Variants in UNC13B observed in about 807,000 individuals in gnomAD.
UNC13B encodes the protein protein unc-13 homolog B.
A neutral mutation model predicts 211.0 loss-of-function variants in UNC13B; 144 were observed. That is an observed-to-expected ratio of 0.68 (90% CI 0.60 to 0.78). The LOEUF (loss-of-function observed/expected upper bound fraction) is 0.78, where lower values mean the gene tolerates loss of function less well. UNC13B is among the 30% of genes least tolerant of loss of function. UNC13B has a pLI of 0.00. For missense variants in UNC13B, 1,777 were observed against 2,002.0 expected (o/e 0.89, Z 2.14); for synonymous variants, 709 against 725.8 (o/e 0.98, Z 0.37).
chr9:35,382,273 A>G (rs984041172), intron 20 of UNC13B, 84 bp from the exon 21 acceptor site: 10 of 1,526,408 alleles, frequency 6.6e-6, no homozygotes, highest in Non-Finnish European at 7.9e-6. Context: ...TGCTTCATTT[A>G]TCCCATAAAC....
chr9:35,402,064 A>AGCT (rs1836339156), intron 37 of UNC13B: 3 of 1,493,312 alleles, frequency 2.0e-6, no homozygotes, highest in Non-Finnish European at 2.7e-6. Flanking sequence ...GACCCCTGGG[A>AGCT]GCTAGAATGA....
intron 6 of UNC13B, among the ~76,000 whole-genome samples, chr9:35,246,366 T>A (rs1826103602): frequency 6.6e-6 from 1 of 152,216 alleles, no homozygotes; most frequent in East Asian, 1.9e-4. Flanking sequence ...TAGATCCCAT[T>A]TGTCAATTTT....
chr9:35,400,471 A>C, intron 37 of UNC13B, 28 bp downstream of exon 37: 1 of 1,602,470 alleles, frequency 6.2e-7, no homozygotes, highest in Admixed American at 1.7e-5. Context: ...TTGGGTATCC[A>C]CCTCTCCTCT....
At chr9:35,246,783 A>C (rs980268773) in intron 6 of UNC13B, among the ~76,000 whole-genome samples, 1 of 152,140 alleles carries the variant, frequency 6.6e-6, no homozygotes, top group Non-Finnish European at 1.5e-5. Context: ...GTCAGGTAGC[A>C]TGATGCCTCC....
intron 1 of UNC13B, among the ~76,000 whole-genome samples, chr9:35,171,581 T>A (rs1472340199): frequency 1.3e-5 from 2 of 152,132 alleles, no homozygotes; most frequent in Non-Finnish European, 2.9e-5. Context: ...TTTGAAAATT[T>A]TTTTGTAGAG....
At chr9:35,309,162 A>C (rs982623116) in intron 9 of UNC13B, among the ~76,000 whole-genome samples, 1 of 152,076 alleles carries the variant, frequency 6.6e-6, no homozygotes, top group African/African-American at 2.4e-5. Flanking sequence ...CATACAGTAC[A>C]GATTAAGAAT....
intron 11 of UNC13B, among the ~76,000 whole-genome samples, chr9:35,330,002 G>A (rs773241781): frequency 6.6e-6 from 1 of 152,086 alleles, no homozygotes; most frequent in Admixed American, 6.5e-5. Flanking sequence ...TGTGTCTTTT[G>A]TATCCGTTTA....
intron 37 of UNC13B, among the ~76,000 whole-genome samples, chr9:35,401,201 C>A (rs1044940791): frequency 2.6e-5 from 4 of 152,096 alleles, no homozygotes; most frequent in African/African-American, 9.7e-5. Flanking sequence ...GGGGAGTGAA[C>A]CTGGTGGGGG....
chr9:35,228,510 C>T (rs1278697033), intron 2 of UNC13B, among the ~76,000 whole-genome samples: 1 of 151,910 alleles, frequency 6.6e-6, no homozygotes, highest in Non-Finnish European at 1.5e-5. Context: ...CGACAGGCCC[C>T]AGTGTGTAGT....
Position 35,396,490 on chromosome 9 carries a change from C to G in UNC13B, c.11323C>G (p.His3775Asp). 6.2e-7 allele frequency: 1 copy of G among 1,614,116 alleles called. No individual in the cohort carries two copies. Among genetic ancestry groups the G allele is most frequent in the Non-Finnish European group, 8.5e-7 (1 of 1,180,030 alleles). ...CCTACCACTAGAGCATGAGAAAGAC[C>G]ACCTGTGTAAAAGTGCTGACTACAT... Reference protein sequence around the residue: ...KYALEEHEKDHLCKSADYMNL... With the variant: ...KYALEEHEKDDLCKSADYMNL... Residue 3775 changes from histidine (H) to aspartate (D), a missense_variant, in exon 27 of 40, where the codon CAC becomes GAC. Coordinates refer to ENST00000635942, the MANE Select transcript of UNC13B (RefSeq NM_001371189.2).
At chr9:35,351,273 A>C in intron 11 of UNC13B, 1 of 1,165,972 alleles carries the variant, frequency 8.6e-7, no homozygotes, top group South Asian at 4.4e-5. Flanking sequence ...ACCTGAGTGC[A>C]CTATTTTCCT....
At chr9:35,203,652 T>A (rs774929475) in intron 1 of UNC13B, among the ~76,000 whole-genome samples, 2 of 152,208 alleles carry the variant, frequency 1.3e-5, no homozygotes, top group Non-Finnish European at 2.9e-5. Context: ...ATTTAGGGTA[T>A]GTGGTGGAAG....
intron 7 of UNC13B, chr9:35,291,124 C>T: frequency 6.5e-7 from 1 of 1,549,806 alleles, no homozygotes; most frequent in South Asian, 1.2e-5. Flanking sequence ...AATTGAAATT[C>T]CTTATCATTT....
At chr9:35,198,740 G>A (rs1823088405) in intron 1 of UNC13B, among the ~76,000 whole-genome samples, 1 of 152,140 alleles carries the variant, frequency 6.6e-6, no homozygotes, top group Admixed American at 6.5e-5. Context: ...TGAAGGCCAG[G>A]CTGAGGAGTT....
chr9:35,272,475 C>G (rs1827948894), intron 7 of UNC13B, among the ~76,000 whole-genome samples: 1 of 151,926 alleles, frequency 6.6e-6, no homozygotes, highest in Admixed American at 6.6e-5. Flanking sequence ...CCAGGCTGGC[C>G]TCGAACTCCT....
chr9:35,203,517 C>T (rs1029373221), intron 1 of UNC13B, among the ~76,000 whole-genome samples: 6 of 152,172 alleles, frequency 3.9e-5, no homozygotes, highest in Non-Finnish European at 7.4e-5. Context: ...GAGTTTCTGC[C>T]AAGAGATCTG....
At position 35,396,596 on chromosome 9, in the gene UNC13B, A is replaced by C. The variant is rs1835893191; in HGVS notation, c.11429A>C (p.Tyr3810Ser). ...LPVLQGQVPE[Y>S]PAWFEQFVLQ... ...GTCCTCCAGGGGCAGGTGCCTGAGT[A>C]CCCAGCGTGAGTCATCATGTGGGCA... Residue 3810 changes from tyrosine to serine, a missense_variant, in exon 27 of 40, where the codon TAC becomes TCC. Tyr to Ser is a moderately radical substitution (Grantham distance 144). Coordinates refer to ENST00000635942, the MANE Select transcript of UNC13B (RefSeq NM_001371189.2). 6.2e-7 allele frequency: 1 copy of C among 1,613,670 alleles called. No homozygotes were observed. Among genetic ancestry groups the C allele is most frequent in the Non-Finnish European group, 8.5e-7 (1 of 1,179,956 alleles).
chr9:35,307,310 C>A lies in UNC13B; in HGVS notation c.7906C>A (p.Gln2636Lys). Residue 2636 changes from glutamine to lysine, a missense_variant, in exon 9 of 40, where the codon CAA becomes AAA. Physicochemically the swap from Gln to Lys is moderately conservative, Grantham distance 53. Transcript: ENST00000635942. ...LSDEGDMGIL[Q>K]ATDTEASLEA... The stretch of plus-strand genomic sequence containing the variant: ...TGATGAAGGAGACATGGGGATATTG[C>A]AAGCTACAGACACGGAGGCATCGTT... The A allele has an allele frequency of 2.5e-6, 1 of 398,956 alleles. No homozygotes were observed. Among genetic ancestry groups the A allele is most frequent in the Non-Finnish European group, 4.4e-6 (1 of 226,062 alleles). The allele number at this position is 398,956 out of a possible 1,614,324, so 24.7% of individuals were successfully genotyped here.
chr9:35,245,428 C>T lies in UNC13B; in HGVS notation c.468+2064C>T, dbSNP rs191517867. 5.3e-5 allele frequency among the ~76,000 whole-genome samples: 8 copies of T among 151,336 alleles called. No individual in the cohort carries two copies. In the East Asian group the frequency reaches 1.6e-3, roughly 29 times the overall value. ...GTTTGTTACATATGTATACATGTGC[C>T]ATGTTGGTGTGCTGCACCCATTAAC... On this transcript the variant is annotated intron_variant, in intron 6 of 39. Coordinates refer to ENST00000635942, the MANE Select transcript of UNC13B (RefSeq NM_001371189.2).
Sources: gnomAD v4.1 joint callset for allele counts (sites outside exome capture counted in the v4.1 genomes callset) on GRCh38, gnomAD v4.1.1 for gene constraint, MANE v1.5 for transcripts, NCBI Gene and HGNC (gene_info 2026-07-23, HGNC 2026-07-21) for gene names.